The following MAGI1 variants were observed in gnomAD, a reference collection of about 807,000 sequenced individuals.
The protein encoded by MAGI1 is membrane associated guanylate kinase, WW and PDZ domain containing 1.
In MAGI1, 58 loss-of-function variants were observed where a neutral mutation model predicts 139.9. The ratio of observed to expected loss-of-function variants is 0.41; its 90% CI spans 0.34 to 0.52. The LOEUF (loss-of-function observed/expected upper bound fraction) is 0.52, where lower values mean the gene tolerates loss of function less well. Ranked by LOEUF, MAGI1 falls within the 20% of genes least tolerant of loss-of-function variation. The pLI, the probability that MAGI1 is intolerant of heterozygous loss-of-function variation, is 0.12. For synonymous variants in MAGI1, 812 were observed against 737.9 expected, an observed-to-expected ratio of 1.10 and a Z score of -1.63; for missense variants, 1,874 against 1,901.6, an observed-to-expected ratio of 0.99 and a Z score of 0.27.
At position 65,652,372 on chromosome 3, in the gene MAGI1, T is replaced by G. The variant is rs969046551; in HGVS notation, c.314-30284A>C. Among the ~76,000 whole-genome samples, 12 of 152,166 alleles carry G rather than the reference T, an allele frequency of 7.9e-5. 1 individual carries two copies. The highest frequency in any genetic ancestry group is 7.9e-4 in the Admixed American group (12 of 15,268). On this transcript the variant is annotated intron_variant, in intron 1 of 22. Coordinates refer to ENST00000402939, the MANE Select transcript of MAGI1 (RefSeq NM_001033057.2). ...ATCAGGGCTCTCAATCTTAGTACTA[T>G]TGACACGTGGGACCAGATAATTCTT...
At chr3:65,850,416 G>C (rs1373990524) in intron 1 of MAGI1, among the ~76,000 whole-genome samples, 2 of 152,076 alleles carry the variant, frequency 1.3e-5, no homozygotes, top group African/African-American at 4.8e-5. Flanking sequence ...TCTCAATCCA[G>C]GGTAAACCAG....
chr3:65,650,990 TGAATGAAAATAAGCAA>T (rs2085544810), intron 1 of MAGI1, among the ~76,000 whole-genome samples: 1 of 152,212 alleles, frequency 6.6e-6, no homozygotes, highest in Non-Finnish European at 1.5e-5. Context: ...AGTCAAAGTC[TGAATGAAAATAAGCAA>T]GACCAAAAAA....
chr3:65,595,385 C>G (rs1296633393), intron 2 of MAGI1, among the ~76,000 whole-genome samples: 1 of 152,154 alleles, frequency 6.6e-6, no homozygotes, highest in Non-Finnish European at 1.5e-5. Context: ...GTTAATAAAG[C>G]CCATGTGAAA....
intron 1 of MAGI1, among the ~76,000 whole-genome samples, chr3:66,009,725 T>C (rs1240062154): frequency 6.6e-6 from 1 of 152,050 alleles, no homozygotes; most frequent in Non-Finnish European, 1.5e-5. Context: ...TACACAGCAC[T>C]GTGGTTCTCA....
At chr3:65,650,101 T>G (rs2085497790) in intron 1 of MAGI1, among the ~76,000 whole-genome samples, 1 of 152,156 alleles carries the variant, frequency 6.6e-6, no homozygotes, top group African/African-American at 2.4e-5. Flanking sequence ...CTGCTATTAT[T>G]TCAAGAACAG....
At chr3:65,841,440 T>G (rs554695436) in intron 1 of MAGI1, among the ~76,000 whole-genome samples, 1 of 115,238 alleles carries the variant, frequency 8.7e-6, no homozygotes, top group African/African-American at 2.9e-5. Flanking sequence ...TTTTTGTTTT[T>G]GTTTTTGTTT....
chr3:65,868,608 G>C (rs748293210), intron 1 of MAGI1, among the ~76,000 whole-genome samples: 3 of 152,048 alleles, frequency 2.0e-5, no homozygotes, highest in Admixed American at 1.3e-4. Flanking sequence ...AGTCTTTCCT[G>C]CTCTTAATGC....
intron 1 of MAGI1, among the ~76,000 whole-genome samples, chr3:65,852,534 A>C: frequency 7.1e-6 from 1 of 140,356 alleles, no homozygotes; most frequent in Non-Finnish European, 1.5e-5. Context: ...ACAGAGTTTC[A>C]CTCTTATTGC....
At chr3:65,725,105 T>G (rs1019283603) in intron 1 of MAGI1, among the ~76,000 whole-genome samples, 1 of 152,192 alleles carries the variant, frequency 6.6e-6, no homozygotes, top group Non-Finnish European at 1.5e-5. Context: ...TCAATATGCT[T>G]AGAAGGAAAC....
At chr3:65,548,509 C>CTTTTTTTTTTT (rs1306099660) in intron 2 of MAGI1, among the ~76,000 whole-genome samples, 2 of 117,366 alleles carry the variant, frequency 1.7e-5, no homozygotes, top group Admixed American at 1.1e-4. Flanking sequence ...GCAAACAACA[C>CTTTTTTTTTTT]TCTTTTTTTT....
chr3:65,719,017 CAAAA>C (rs57290579), intron 1 of MAGI1, among the ~76,000 whole-genome samples: 21 of 96,376 alleles, frequency 2.2e-4, no homozygotes, highest in African/African-American at 6.7e-4. Flanking sequence ...ATAACCCTAC[CAAAA>C]AAAAAAAAAA....
At chr3:65,831,878 C>T (rs952784335) in intron 1 of MAGI1, among the ~76,000 whole-genome samples, 1 of 152,186 alleles carries the variant, frequency 6.6e-6, no homozygotes, top group African/African-American at 2.4e-5. Flanking sequence ...CATATGTGGG[C>T]CACAAGGTTA....
rs1277951988 is a variant in MAGI1, at chr3:66,038,884, A to G, written c.-576T>C. The stretch of plus-strand genomic sequence containing the variant: ...CAGTTCATTCTATTCCGCGCCGCGG[A>G]GCGCAGCGGCCGGCGACAGGAGACG... On this transcript the variant is annotated 5_prime_UTR_variant, in exon 1 of 23. Coordinates refer to ENST00000402939, the MANE Select transcript of MAGI1 (RefSeq NM_001033057.2). 2.6e-5 allele frequency: 4 copies of G among 151,938 alleles called. No homozygotes were observed. The South Asian group carries it at 8.3e-4, about 31-fold the overall frequency. 9.4% of individuals were successfully genotyped at this position (151,938 alleles called of 1,614,324 possible).
At position 65,679,104 on chromosome 3, in the gene MAGI1, A is replaced by G. The variant is rs532578547; in HGVS notation, c.314-57016T>C. On this transcript the variant is annotated intron_variant, in intron 1 of 22. Coordinates refer to ENST00000402939, the MANE Select transcript of MAGI1 (RefSeq NM_001033057.2). Reference sequence around the variant, plus strand: ...GACAGACAAAGCAATTTTCCCCTACAGTGTGTCAATTCTGCAGTGAAGGTT... The same window carrying G: ...GACAGACAAAGCAATTTTCCCCTACGGTGTGTCAATTCTGCAGTGAAGGTT... Among the ~76,000 whole-genome samples the G allele has an allele frequency of 1.4e-4, 22 of 152,244 alleles. No homozygotes were observed. The East Asian group carries it at 3.5e-3, about 24-fold the overall frequency.
At chr3:65,617,981 G>A (rs1343451049) in intron 2 of MAGI1, among the ~76,000 whole-genome samples, 3 of 152,230 alleles carry the variant, frequency 2.0e-5, no homozygotes, top group Middle Eastern at 3.4e-3. Flanking sequence ...GCATGAAGGA[G>A]GTCACGGAGT....
intron 1 of MAGI1, among the ~76,000 whole-genome samples, chr3:65,683,945 A>G (rs1233436640): frequency 1.3e-5 from 2 of 150,674 alleles, no homozygotes; most frequent in African/African-American, 2.4e-5. Flanking sequence ...AAGGTGGATC[A>G]CTTGAGCCCA....
chr3:65,447,901 A>C, intron 7 of MAGI1, 121 bp downstream of exon 7: 1 of 1,144,518 alleles, frequency 8.7e-7, no homozygotes. Context: ...GCTAGAATGA[A>C]AATCATAATT....
chr3:65,602,879 T>C (rs2082547310), intron 2 of MAGI1, among the ~76,000 whole-genome samples: 2 of 152,122 alleles, frequency 1.3e-5, no homozygotes, highest in African/African-American at 2.4e-5. Flanking sequence ...AGAAATCATA[T>C]ATGATCAACC....
intron 1 of MAGI1, among the ~76,000 whole-genome samples, chr3:65,625,798 G>A (rs2083939279): frequency 6.6e-6 from 1 of 152,134 alleles, no homozygotes; most frequent in South Asian, 2.1e-4. Flanking sequence ...ATAGACCTAA[G>A]GAGATCTGGA....
Sources: allele counts gnomAD v4.1 joint callset (sites outside exome capture counted in the v4.1 genomes callset), GRCh38; gene constraint gnomAD v4.1.1; transcripts MANE v1.5; gene names NCBI Gene and HGNC (gene_info 2026-07-23, HGNC 2026-07-21).